The following CARF variants were observed in gnomAD, a reference collection of about 807,000 sequenced individuals.
CARF encodes calcium-responsive transcription factor.
A neutral mutation model predicts 82.0 loss-of-function variants in CARF; 57 were observed. That is an observed-to-expected ratio of 0.70 (90% CI 0.56 to 0.87). The LOEUF (loss-of-function observed/expected upper bound fraction) is 0.87, where lower values mean the gene tolerates loss of function less well. Ranked by LOEUF, CARF falls within the 40% of genes least tolerant of loss-of-function variation. The pLI is 0.00. For synonymous variants in CARF, 268 were observed against 290.1 expected (o/e 0.92, Z 0.77); for missense variants, 771 against 855.8 (o/e 0.90, Z 1.24).
rs191582898 is a variant in CARF at position 202,952,769 on chromosome 2, T to C, written c.427+90T>C. On this transcript the variant is annotated intron_variant, in intron 6 of 16. Transcript: ENST00000438828. ...CACCTTATGAAAGTCAGTGCTAAAG[T>C]TGATTTCTTTAGGTAAAAGATTATG... is the stretch of plus-strand genomic sequence containing the variant. The C allele has an allele frequency of 2.3e-5, 30 of 1,285,160 alleles. No individual in the cohort carries two copies. In the East Asian group the frequency reaches 2.7e-4, roughly 12 times the overall value. The allele number at this position is 1,285,160 out of a possible 1,614,324, so 79.6% of individuals were successfully genotyped here. A position where few individuals can be genotyped will look rare whatever the true frequency, so the allele number is the denominator to read the frequency against.
intron 8 of CARF, among the ~76,000 whole-genome samples, chr2:202,957,770 C>T (rs1020907316): frequency 2.0e-5 from 3 of 152,156 alleles, no homozygotes; most frequent in East Asian, 1.9e-4. Context: ...GCCTGGCCAA[C>T]GTGGCGAAAC....
chr2:202,966,554 A>G (rs1450090119), intron 9 of CARF, among the ~76,000 whole-genome samples: 2 of 152,166 alleles, frequency 1.3e-5, no homozygotes, highest in Non-Finnish European at 2.9e-5. Flanking sequence ...TACTAAAAAT[A>G]CAAAAATTAG....
rs372978113 is a variant in CARF, at chr2:202,954,043, A to G, written c.466A>G (p.Thr156Ala). Residue 156 changes from threonine to alanine, a missense_variant, in exon 7 of 17, where the codon ACT (threonine) becomes GCT (alanine). Thr to Ala is a moderately conservative substitution (Grantham distance 58). Coordinates refer to ENST00000438828, the MANE Select transcript of CARF (RefSeq NM_024744.17). ...GAAACCCAGTAACAGAAACTTACCA[A>G]CTGTAAGAGTGGATACTCTAGCAGA... ...EEKPSNRNLPTVRVDTLADNT... is the reference protein window; with the variant it reads ...EEKPSNRNLPAVRVDTLADNT... 99 of 1,610,394 alleles carry G rather than the reference A, an allele frequency of 6.1e-5. No homozygotes were observed. Among genetic ancestry groups the G allele is most frequent in the Non-Finnish European group, 8.1e-5 (95 of 1,178,580 alleles).
chr2:202,949,342 C>CA (rs540061451), intron 5 of CARF, among the ~76,000 whole-genome samples: 4,730 of 113,924 alleles, frequency 0.042, 109 homozygotes, highest in East Asian at 0.1. Flanking sequence ...GACTCCATCT[C>CA]AAAAAAAAAA....
chr2:202,983,446 C>T, intron 16 of CARF, 60 bp from the exon 17 acceptor site: 4 of 1,015,300 alleles, frequency 3.9e-6, no homozygotes, highest in Non-Finnish European at 3.0e-6. Context: ...ATATTTTTCC[C>T]CTCTCTTCCA....
At chr2:202,923,596 T>C (rs1289299470) in intron 2 of CARF, among the ~76,000 whole-genome samples, 2 of 152,062 alleles carry the variant, frequency 1.3e-5, no homozygotes, top group Non-Finnish European at 2.9e-5. Flanking sequence ...AATACCACCA[T>C]CATTCTTCAC....
At chr2:202,918,378 G>A (rs942574741) in intron 2 of CARF, among the ~76,000 whole-genome samples, 2 of 151,602 alleles carry the variant, frequency 1.3e-5, no homozygotes, top group African/African-American at 4.8e-5. Flanking sequence ...AAAATTAGCC[G>A]GGCATGGTGG....
At chr2:202,925,018 C>A (rs1372663381) in intron 3 of CARF, 3 of 400,090 alleles carry the variant, frequency 7.5e-6, no homozygotes, top group Non-Finnish European at 1.5e-5. Context: ...GATCCTTTTG[C>A]AGCAGCAAAA....
At chr2:202,928,425 T>G (rs1417247379) in intron 3 of CARF, among the ~76,000 whole-genome samples, 1 of 152,210 alleles carries the variant, frequency 6.6e-6, no homozygotes, top group Non-Finnish European at 1.5e-5. Context: ...AATAATGATG[T>G]AATAAACATG....
intron 3 of CARF, among the ~76,000 whole-genome samples, chr2:202,941,483 A>G (rs2058227486): frequency 6.6e-6 from 1 of 152,186 alleles, no homozygotes; most frequent in South Asian, 2.1e-4. Flanking sequence ...TACTGCTACA[A>G]TAGGGCATAC....
intron 10 of CARF, among the ~76,000 whole-genome samples, chr2:202,968,769 C>T (rs1433426784): frequency 6.6e-6 from 1 of 152,042 alleles, no homozygotes; most frequent in African/African-American, 2.4e-5. Flanking sequence ...TACTTAATCC[C>T]AGGGAACGGA....
chr2:202,925,279 G>A (rs1464559810), intron 3 of CARF: 2 of 357,140 alleles, frequency 5.6e-6, no homozygotes. Flanking sequence ...ATCTCACCTG[G>A]AAGAGCTGAC....
chr2:202,941,206 C>T (rs72926779), intron 3 of CARF, among the ~76,000 whole-genome samples: 38 of 151,962 alleles, frequency 2.5e-4, no homozygotes, highest in African/African-American at 8.4e-4. Flanking sequence ...ATCTTAAAAA[C>T]GAGAAGCAAT....
chr2:202,974,576 GT>G, intron 13 of CARF, 80 bp downstream of exon 13: 1 of 1,337,716 alleles, frequency 7.5e-7, no homozygotes. Flanking sequence ...AATGGCTAGT[GT>G]TAGGCCATCT....
intron 3 of CARF, among the ~76,000 whole-genome samples, chr2:202,935,034 G>A (rs909910322): frequency 1.4e-5 from 2 of 146,344 alleles, no homozygotes; most frequent in Non-Finnish European, 3.0e-5. Context: ...TGGAGATTGC[G>A]CCACTGCACC....
At position 202,961,521 on chromosome 2, in the gene CARF, G is replaced by A. The variant is rs749980707; in HGVS notation, c.832+95G>A. ...CTAAGGTGATAACATTTTTATTTTG[G>A]TAGCTGACAATTGAATGCTAATTGA... On this transcript the variant is annotated intron_variant, in intron 9 of 16. Coordinates refer to ENST00000438828, the MANE Select transcript of CARF (RefSeq NM_024744.17). The A allele has an allele frequency of 2.3e-4, 252 of 1,093,078 alleles. 1 individual carries two copies. In the Middle Eastern group the frequency reaches 3.5e-3, roughly 15 times the overall value. The allele number at this position is 1,093,078 out of a possible 1,614,324, so 67.7% of individuals were successfully genotyped here. A position where few individuals can be genotyped will look rare whatever the true frequency, so the allele number is the denominator to read the frequency against.
At chr2:202,958,249 A>ATGTGTG (rs71034206) in intron 8 of CARF, among the ~76,000 whole-genome samples, 16,480 of 139,776 alleles carry the variant, frequency 0.12, 1,033 homozygotes, top group African/African-American at 0.13. Flanking sequence ...ATATACATAT[A>ATGTGTG]TGTGTGTGTG....
At chr2:202,953,926 A>C in intron 6 of CARF, 79 bp from the exon 7 acceptor site, 1 of 1,246,060 alleles carries the variant, frequency 8.0e-7, no homozygotes, top group Non-Finnish European at 1.1e-6. Context: ...TATTACAAAT[A>C]CATAAGTTTT....
intron 13 of CARF, among the ~76,000 whole-genome samples, chr2:202,976,016 GC>G (rs2060009494): frequency 6.6e-6 from 1 of 151,996 alleles, no homozygotes; most frequent in Non-Finnish European, 1.5e-5. Context: ...TTGCACTCCA[GC>G]CTGGGTGACA....
Sources: gnomAD v4.1 joint callset for allele counts (sites outside exome capture counted in the v4.1 genomes callset) on GRCh38, gnomAD v4.1.1 for gene constraint, MANE v1.5 for transcripts, NCBI Gene and HGNC (gene_info 2026-07-23, HGNC 2026-07-21) for gene names.